GSE1: variants seen among roughly 807,000 people sequenced by gnomAD.
GSE1 encodes genetic suppressor element 1.
In GSE1, 32 loss-of-function variants were observed where a neutral mutation model predicts 112.6. The ratio of observed to expected loss-of-function variants is 0.28; its 90% confidence interval spans 0.21 to 0.38. The LOEUF (loss-of-function observed/expected upper bound fraction) is 0.38, where lower values mean the gene tolerates loss of function less well. Among genes scored for constraint, GSE1 ranks in the 10% least tolerant of loss-of-function variants. The pLI, the probability that GSE1 is intolerant of heterozygous loss-of-function variation, is 1.00. For missense variants in GSE1, 2,348 were observed against 1,699.2 expected, an observed-to-expected ratio of 1.38 and a Z score of -6.71; for synonymous variants, 1,115 against 735.6, an observed-to-expected ratio of 1.52 and a Z score of -8.35.
chr16:85,628,173 G>A (rs746110634), intron 1 of GSE1, among the ~76,000 whole-genome samples: 3 of 152,238 alleles, frequency 2.0e-5, no homozygotes, highest in Non-Finnish European at 4.4e-5. Flanking sequence ...TGCGGCCCCC[G>A]CCCCGCCTGC....
At chr16:85,434,523 A>G (rs1305621412) in intron 2 of GSE1, among the ~76,000 whole-genome samples, 1 of 152,172 alleles carries the variant, frequency 6.6e-6, no homozygotes, top group Non-Finnish European at 1.5e-5. Context: ...CCAGTTAGAA[A>G]GTGTCAGAGC....
chr16:85,474,902 C>T (rs1401737172), intron 2 of GSE1, among the ~76,000 whole-genome samples: 1 of 152,070 alleles, frequency 6.6e-6, no homozygotes, highest in Non-Finnish European at 1.5e-5. Context: ...TTGGACAGAC[C>T]CCGTGGTACT....
intron 2 of GSE1, among the ~76,000 whole-genome samples, chr16:85,512,364 T>G (rs1263314519): frequency 1.3e-5 from 2 of 152,142 alleles, no homozygotes; most frequent in African/African-American, 2.4e-5. Context: ...GACAGCGTCT[T>G]GCAGCGAGGC....
chr16:85,412,734 C>G (rs1035075496), intron 2 of GSE1, among the ~76,000 whole-genome samples: 40 of 150,718 alleles, frequency 2.7e-4, no homozygotes, highest in Non-Finnish European at 4.7e-4. Context: ...TCAGGCCCCC[C>G]GGATAATCCT....
chr16:85,382,839 C>T (rs2047581574), intron 2 of GSE1, among the ~76,000 whole-genome samples: 1 of 151,844 alleles, frequency 6.6e-6, no homozygotes, highest in African/African-American at 2.4e-5. Flanking sequence ...CACTCATGCA[C>T]ACACATGCAT....
upstream of GSE1, chr16:85,611,652 C>G (rs1434341068): frequency 3.1e-5 from 7 of 224,898 alleles, no homozygotes; most frequent in Admixed American, 4.5e-4. Flanking sequence ...CTCCGGGCCC[C>G]GGCGCGCGCT....
rs2047200348 is a variant in GSE1 at position 85,595,830 on chromosome 16, ACTCT to A, written c.37+39468_37+39471del. 8.8e-5 allele frequency: 2 copies of A among 22,728 alleles called. 1 individual carries two copies. Among genetic ancestry groups the A allele is most frequent in the Non-Finnish European group, 1.7e-4 (2 of 11,984 alleles). 1.4% of individuals were successfully genotyped at this position (22,728 alleles called of 1,614,324 possible). A position where few individuals can be genotyped will look rare whatever the true frequency, so the allele number is the denominator to read the frequency against. ...CACCCACCCACCCACCCACCCACCC[ACTCT>A]TCCATCTACCCACACATCCATCCAC... On this transcript the variant is annotated intron_variant, in intron 1 of 2. Transcript: ENST00000635906.
intron 2 of GSE1, among the ~76,000 whole-genome samples, chr16:85,524,318 G>T (rs983895671): frequency 6.6e-6 from 1 of 152,070 alleles, no homozygotes; most frequent in African/African-American, 2.4e-5. Flanking sequence ...CAGTCCTGCT[G>T]CTTGCCGGCT....
At chr16:85,552,064 C>CTCACCAG (rs2044941297), upstream of GSE1, among the ~76,000 whole-genome samples, 1 of 151,012 alleles carries the variant, frequency 6.6e-6, no homozygotes, top group Admixed American at 6.6e-5. Flanking sequence ...CTCGCTCTGT[C>CTCACCAG]GCCCAGGCTG....
At chr16:85,481,623 G>C (rs1358090150) in intron 2 of GSE1, among the ~76,000 whole-genome samples, 2 of 152,210 alleles carry the variant, frequency 1.3e-5, no homozygotes, top group Non-Finnish European at 2.9e-5. Context: ...TTTTCTGGAA[G>C]TGCTTGATGT....
intron 1 of GSE1, among the ~76,000 whole-genome samples, chr16:85,276,704 C>A (rs751002772): frequency 6.6e-6 from 1 of 152,134 alleles, no homozygotes; most frequent in Non-Finnish European, 1.5e-5. Flanking sequence ...CTGCTCTCAG[C>A]GTGGGCCAGG....
At chr16:85,200,102 C>T (rs769609894) in intron 1 of GSE1, among the ~76,000 whole-genome samples, 4 of 152,176 alleles carry the variant, frequency 2.6e-5, no homozygotes, top group Non-Finnish European at 2.9e-5. Context: ...GAAGATAATT[C>T]TGCCTTTTCC....
intron 1 of GSE1, among the ~76,000 whole-genome samples, chr16:85,209,736 G>A (rs899257498): frequency 6.6e-6 from 1 of 152,210 alleles, no homozygotes; most frequent in African/African-American, 2.4e-5. Flanking sequence ...GGAGAGTCTG[G>A]CAGGCCGCCT....
chr16:85,613,423 G>A, intron 1 of GSE1, 25 bp downstream of exon 1: 1 of 1,546,368 alleles, frequency 6.5e-7, no homozygotes, highest in South Asian at 1.2e-5. Context: ...CCCGGCCGGG[G>A]ACGGGGTCCT....
intron 1 of GSE1, among the ~76,000 whole-genome samples, chr16:85,584,074 G>T (rs1002769695): frequency 2.0e-5 from 3 of 152,186 alleles, no homozygotes; most frequent in Non-Finnish European, 2.9e-5. Context: ...AATCCTGAGG[G>T]CACGCATGGG....
intron 1 of GSE1, among the ~76,000 whole-genome samples, chr16:85,240,404 A>AG (rs1197686067): frequency 6.6e-6 from 1 of 151,954 alleles, no homozygotes; most frequent in East Asian, 1.9e-4. Context: ...ACCAAGGGGG[A>AG]GGGGGGTGGA....
intron 1 of GSE1, among the ~76,000 whole-genome samples, chr16:85,178,447 A>G (rs932877659): frequency 1.3e-5 from 2 of 152,026 alleles, no homozygotes; most frequent in Admixed American, 6.5e-5. Flanking sequence ...ATCAGTGTCA[A>G]TCAATCTGAA....
intron 2 of GSE1, among the ~76,000 whole-genome samples, chr16:85,407,989 A>G (rs1281955869): frequency 1.3e-4 from 6 of 47,598 alleles, no homozygotes; most frequent in South Asian, 2.2e-3. Context: ...CCTCACTGTT[A>G]CACTCAGGGC....
chr16:85,252,547 A>G (rs1906604333), intron 1 of GSE1, among the ~76,000 whole-genome samples: 1 of 152,224 alleles, frequency 6.6e-6, no homozygotes, highest in Non-Finnish European at 1.5e-5. Flanking sequence ...CCAGTTTGAG[A>G]AGCTCAAGTC....
Sources: gnomAD v4.1 joint callset for allele counts (sites outside exome capture counted in the v4.1 genomes callset) on GRCh38, gnomAD v4.1.1 for gene constraint, MANE v1.5 for transcripts, NCBI Gene and HGNC (gene_info 2026-07-23, HGNC 2026-07-21) for gene names.